The following CFAP61 variants were observed in gnomAD, a reference collection of about 807,000 sequenced individuals.
The protein encoded by CFAP61 is cilia- and flagella-associated protein 61.
Under a neutral mutation model 135.6 loss-of-function variants are expected in CFAP61, and 107 were observed. The observed-to-expected ratio is 0.79, with a 90% CI of 0.67 to 0.93. The LOEUF is 0.93. CFAP61 is among the 40% of genes least tolerant of loss of function. The pLI is 0.00. For synonymous variants in CFAP61, 575 were observed against 578.5 expected (o/e 0.99, Z 0.09); for missense variants, 1,507 against 1,556.2 (o/e 0.97, Z 0.53).
chr20:20,088,023 T>C (rs745682770), intron 6 of CFAP61, among the ~76,000 whole-genome samples: 18 of 152,188 alleles, frequency 1.2e-4, no homozygotes, highest in Non-Finnish European at 2.4e-4. Context: ...TTGTAAATTA[T>C]TGCAGGGCTG....
chr20:20,161,415 C>T (rs1382543052), intron 10 of CFAP61, among the ~76,000 whole-genome samples: 1 of 152,028 alleles, frequency 6.6e-6, no homozygotes, highest in Non-Finnish European at 1.5e-5. Context: ...CACAAATCCA[C>T]AAAGGTGAGA....
chr20:20,297,544 G>T (rs1446267466), intron 24 of CFAP61, among the ~76,000 whole-genome samples: 1 of 152,178 alleles, frequency 6.6e-6, no homozygotes, highest in Non-Finnish European at 1.5e-5. Context: ...CACTTGGGCT[G>T]ATGTGGCAAT....
chr20:20,154,088 A>G (rs2052677923), intron 9 of CFAP61, among the ~76,000 whole-genome samples: 1 of 152,120 alleles, frequency 6.6e-6, no homozygotes, highest in African/African-American at 2.4e-5. Flanking sequence ...TGACATAAAC[A>G]GATTTAAAAA....
At chr20:20,249,515 G>A (rs908057636) in intron 19 of CFAP61, among the ~76,000 whole-genome samples, 8 of 152,142 alleles carry the variant, frequency 5.3e-5, no homozygotes. Flanking sequence ...CTCTAGGCTG[G>A]GTGACAGAGT....
chr20:20,182,936 C>T (rs561833227), intron 13 of CFAP61, among the ~76,000 whole-genome samples: 1 of 152,256 alleles, frequency 6.6e-6, no homozygotes, highest in Admixed American at 6.5e-5. Context: ...GTAAAGAATC[C>T]ACACCTCTTC....
At chr20:20,243,183 C>G (rs2050146433) in intron 18 of CFAP61, among the ~76,000 whole-genome samples, 1 of 152,084 alleles carries the variant, frequency 6.6e-6, no homozygotes, top group Non-Finnish European at 1.5e-5. Flanking sequence ...CAGGGAAATT[C>G]CTATTTTTAA....
chr20:20,144,413 C>T (rs889056891), intron 9 of CFAP61, among the ~76,000 whole-genome samples: 3 of 26,336 alleles, frequency 1.1e-4, no homozygotes, highest in Non-Finnish European at 3.9e-4. Context: ...TTAAAAACTA[C>T]AATCAATCAA....
At chr20:20,173,512 T>C (rs1035580192) in intron 13 of CFAP61, among the ~76,000 whole-genome samples, 2 of 152,216 alleles carry the variant, frequency 1.3e-5, no homozygotes, top group Non-Finnish European at 2.9e-5. Context: ...TTTAATGACA[T>C]GTGGTGTTGA....
chr20:20,135,143 T>C (rs1457435591), intron 8 of CFAP61, among the ~76,000 whole-genome samples: 1 of 152,052 alleles, frequency 6.6e-6, no homozygotes, highest in Non-Finnish European at 1.5e-5. Flanking sequence ...TGGAATCAGA[T>C]TGGAATGATG....
At chr20:20,143,981 A>G (rs149509284) in intron 9 of CFAP61, among the ~76,000 whole-genome samples, 173 of 152,380 alleles carry the variant, frequency 1.1e-3, no homozygotes, top group African/African-American at 4.0e-3. Flanking sequence ...CCAGACTGGA[A>G]AAGCTTATGA....
chr20:20,291,196 G>A (rs60597678), intron 24 of CFAP61, among the ~76,000 whole-genome samples: 4,701 of 152,064 alleles, frequency 0.031, 219 homozygotes, highest in African/African-American at 0.1. Flanking sequence ...TGACATTAGC[G>A]TTCATTCTTG....
chr20:20,096,544 C>T (rs747890567), intron 7 of CFAP61, among the ~76,000 whole-genome samples: 6 of 152,262 alleles, frequency 3.9e-5, no homozygotes, highest in Admixed American at 6.5e-5. Context: ...ACACATGCAG[C>T]TCGCTGTGAA....
intron 9 of CFAP61, among the ~76,000 whole-genome samples, chr20:20,150,625 A>G (rs2052324434): frequency 6.6e-6 from 1 of 152,212 alleles, no homozygotes; most frequent in South Asian, 2.1e-4. Flanking sequence ...AAGCATATCT[A>G]CAACCAAGGA....
At chr20:20,218,848 T>C (rs937379019) in intron 17 of CFAP61, among the ~76,000 whole-genome samples, 2 of 152,236 alleles carry the variant, frequency 1.3e-5, no homozygotes, top group Non-Finnish European at 2.9e-5. Flanking sequence ...ATCAGGATAC[T>C]GAATAGGTTA....
intron 17 of CFAP61, among the ~76,000 whole-genome samples, chr20:20,200,403 T>C (rs1416545620): frequency 6.6e-6 from 1 of 152,144 alleles, no homozygotes; most frequent in African/African-American, 2.4e-5. Context: ...CAGAAGCATA[T>C]GAGCTGCCCT....
intron 2 of CFAP61, among the ~76,000 whole-genome samples, chr20:20,067,013 T>A (rs1218041695): frequency 6.6e-6 from 1 of 151,822 alleles, no homozygotes; most frequent in Admixed American, 6.6e-5. Context: ...ATTAGTTAAA[T>A]GATACCCACA....
chr20:20,111,559 C>T (rs548787009), intron 8 of CFAP61, among the ~76,000 whole-genome samples: 1 of 152,308 alleles, frequency 6.6e-6, no homozygotes, highest in Admixed American at 6.5e-5. Context: ...ACATTCCAAT[C>T]TAATCCTTGG....
At chr20:20,340,690 A>G (rs2058410137) in intron 25 of CFAP61, among the ~76,000 whole-genome samples, 1 of 152,198 alleles carries the variant, frequency 6.6e-6, no homozygotes, top group Non-Finnish European at 1.5e-5. Flanking sequence ...AGGTGGCCGT[A>G]GACCCCCAAA....
intron 14 of CFAP61, among the ~76,000 whole-genome samples, chr20:20,190,698 AT>A (rs2055860973): frequency 6.6e-6 from 1 of 152,296 alleles, no homozygotes; most frequent in African/African-American, 2.4e-5. Context: ...TGTACAAGAA[AT>A]TTCTGTTTTA....
Sources: gnomAD v4.1 joint callset for allele counts (sites outside exome capture counted in the v4.1 genomes callset) on GRCh38, gnomAD v4.1.1 for gene constraint, MANE v1.5 for transcripts, NCBI Gene and HGNC (gene_info 2026-07-23, HGNC 2026-07-21) for gene names.